The following DAB1 variants were observed in gnomAD, a reference collection of about 807,000 sequenced individuals.
The protein encoded by DAB1 is DAB adaptor protein 1, also known as disabled homolog 1.
Under a neutral mutation model 64.6 loss-of-function variants are expected in DAB1, and 15 were observed. The ratio of observed to expected loss-of-function variants is 0.23; its 90% CI spans 0.16 to 0.36. The LOEUF (loss-of-function observed/expected upper bound fraction) is 0.36, where lower values mean the gene tolerates loss of function less well. Ranked by LOEUF, DAB1 falls within the 10% of genes least tolerant of loss-of-function variation. The pLI, the probability that DAB1 is intolerant of heterozygous loss-of-function variation, is 1.00. For missense variants in DAB1, 596 were observed against 706.7 expected (o/e 0.84, Z 1.78); for synonymous variants, 235 against 251.9 (o/e 0.93, Z 0.64).
At chr1:57,580,008 T>C (rs1453093493) in intron 7 of DAB1, among the ~76,000 whole-genome samples, 1 of 151,764 alleles carries the variant, frequency 6.6e-6, no homozygotes, top group African/African-American at 2.4e-5. Context: ...GTTTCTGAGG[T>C]AAGGAAAGGG....
chr1:58,144,258 T>C (rs1654466889), intron 5 of DAB1, among the ~76,000 whole-genome samples: 1 of 152,216 alleles, frequency 6.6e-6, no homozygotes, highest in African/African-American at 2.4e-5. Flanking sequence ...GTTCATATAA[T>C]ATTAAAAGCA....
chr1:58,110,203 C>A (rs1272766105), intron 5 of DAB1, among the ~76,000 whole-genome samples: 1 of 152,206 alleles, frequency 6.6e-6, no homozygotes, highest in East Asian at 1.9e-4. Flanking sequence ...CCAAACTACA[C>A]ACAGTGGCCC....
chr1:58,076,916 C>T (rs1024205187), intron 5 of DAB1, among the ~76,000 whole-genome samples: 1 of 152,014 alleles, frequency 6.6e-6, no homozygotes, highest in Non-Finnish European at 1.5e-5. Context: ...GGGAGTCTTC[C>T]TGGGTCATCT....
chr1:57,658,891 A>G (rs6672391), intron 6 of DAB1, among the ~76,000 whole-genome samples: 91,842 of 152,006 alleles, frequency 0.6, 28,409 homozygotes, highest in Non-Finnish European at 0.66. Context: ...TAATATTGGT[A>G]GACTATGGAC....
At chr1:57,604,473 C>G (rs984881340) in intron 7 of DAB1, among the ~76,000 whole-genome samples, 1 of 151,952 alleles carries the variant, frequency 6.6e-6, no homozygotes, top group Non-Finnish European at 1.5e-5. Context: ...GAGACAGTCA[C>G]AGTTTCCTGG....
chr1:58,097,665 C>T (rs779714187), intron 5 of DAB1, among the ~76,000 whole-genome samples: 1 of 152,094 alleles, frequency 6.6e-6, no homozygotes, highest in Admixed American at 6.5e-5. Context: ...AGGAAGTGTT[C>T]AGGGAACCAC....
intron 1 of DAB1, among the ~76,000 whole-genome samples, chr1:57,298,872 A>G (rs1673409338): frequency 6.6e-6 from 1 of 152,248 alleles, no homozygotes; most frequent in Non-Finnish European, 1.5e-5. Flanking sequence ...AGAAAAGATC[A>G]GTTACAATTT....
chr1:58,467,292 T>C (rs1386626675), intron 3 of DAB1, among the ~76,000 whole-genome samples: 1 of 152,232 alleles, frequency 6.6e-6, no homozygotes. Context: ...GCTGCCCCAC[T>C]GCAGACCTAT....
At chr1:57,369,952 G>T (rs1011982726) in intron 1 of DAB1, among the ~76,000 whole-genome samples, 1 of 152,138 alleles carries the variant, frequency 6.6e-6, no homozygotes, top group Non-Finnish European at 1.5e-5. Flanking sequence ...CCTGTGCTCT[G>T]CCCTGGCATC....
chr1:57,807,309 C>G (rs1651409727), intron 6 of DAB1, among the ~76,000 whole-genome samples: 1 of 152,064 alleles, frequency 6.6e-6, no homozygotes, highest in Admixed American at 6.6e-5. Flanking sequence ...TTGAATAGGG[C>G]AGATACAATT....
intron 6 of DAB1, among the ~76,000 whole-genome samples, chr1:57,814,928 T>G (rs976515414): frequency 7.9e-5 from 12 of 152,192 alleles, no homozygotes; most frequent in African/African-American, 2.9e-4. Flanking sequence ...CCTACGTAGC[T>G]CACAGGGCTG....
At chr1:58,510,476 A>T (rs936506031) in intron 2 of DAB1, among the ~76,000 whole-genome samples, 17 of 152,170 alleles carry the variant, frequency 1.1e-4, no homozygotes, top group Admixed American at 9.8e-4. Context: ...AATTATCTCG[A>T]CATAATTATA....
At chr1:57,126,536 T>C (rs1197747505) in intron 4 of DAB1, among the ~76,000 whole-genome samples, 2 of 152,200 alleles carry the variant, frequency 1.3e-5, no homozygotes, top group East Asian at 1.9e-4. Context: ...AGCTAATTAA[T>C]GTTCTCATAG....
chr1:57,618,277 T>G (rs1645813279), intron 7 of DAB1, among the ~76,000 whole-genome samples: 2 of 152,034 alleles, frequency 1.3e-5, no homozygotes, highest in South Asian at 4.1e-4. Flanking sequence ...TAGCTGGGCA[T>G]GGTGGTGCAT....
chr1:57,937,009 G>A (rs1645036033), intron 5 of DAB1, among the ~76,000 whole-genome samples: 1 of 151,924 alleles, frequency 6.6e-6, no homozygotes, highest in African/African-American at 2.4e-5. Flanking sequence ...CTCCCTTTGG[G>A]CGCTGGGGGG....
intron 2 of DAB1, among the ~76,000 whole-genome samples, chr1:57,217,131 C>T (rs1256070195): frequency 6.6e-6 from 1 of 152,200 alleles, no homozygotes; most frequent in Admixed American, 6.5e-5. Context: ...ATTGAAAGAA[C>T]TGCCTAAGAA....
intron 2 of DAB1, among the ~76,000 whole-genome samples, chr1:57,287,213 T>C (rs916464213): frequency 2.0e-5 from 3 of 152,102 alleles, no homozygotes; most frequent in African/African-American, 7.2e-5. Context: ...CTGGGACTAC[T>C]GGCATGCGCC....
intron 2 of DAB1, among the ~76,000 whole-genome samples, chr1:57,247,638 A>G (rs1668986599): frequency 6.6e-6 from 1 of 152,230 alleles, no homozygotes; most frequent in African/African-American, 2.4e-5. Context: ...AAAACCCCTA[A>G]GGGCACAGCT....
At chr1:58,537,006 C>T (rs564232247) in intron 1 of DAB1, among the ~76,000 whole-genome samples, 46 of 151,796 alleles carry the variant, frequency 3.0e-4, no homozygotes, top group African/African-American at 1.1e-3. Context: ...AAATGAGATG[C>T]TAGTTTACTA....
Sources: allele counts gnomAD v4.1 joint callset (sites outside exome capture counted in the v4.1 genomes callset), GRCh38; gene constraint gnomAD v4.1.1; transcripts MANE v1.5; gene names NCBI Gene and HGNC (gene_info 2026-07-23, HGNC 2026-07-21).